Variants in CYP7A1 observed in about 807,000 individuals in gnomAD.
CYP7A1 encodes the protein cytochrome P450 7A1.
In CYP7A1, 28 loss-of-function variants were observed where a neutral mutation model predicts 43.8. The ratio of observed to expected loss-of-function variants is 0.64; its 90% CI spans 0.47 to 0.88. The LOEUF is 0.88. Among genes scored for constraint, CYP7A1 ranks in the 40% least tolerant of loss-of-function variants. CYP7A1 has a pLI of 0.00. For missense variants in CYP7A1, 637 were observed against 611.9 expected (o/e 1.04, Z -0.43); for synonymous variants, 227 against 222.5 (o/e 1.02, Z -0.18).
At chr8:58,496,556 C>G in intron 3 of CYP7A1, 48 bp downstream of exon 3, 1 of 1,487,012 alleles carries the variant, frequency 6.7e-7, no homozygotes, top group Non-Finnish European at 9.3e-7. Context: ...GGTTTAATTT[C>G]TACTTTCTAC....
In CYP7A1 at chr8:58,493,882, C is replaced by A. The variant is rs186127372; in HGVS notation, c.1039+624G>T. Among the ~76,000 whole-genome samples, 566 of 152,126 alleles carry A rather than the reference C, an allele frequency of 3.7e-3. 6 individuals carry two copies. The highest frequency in any genetic ancestry group is 5.8e-3 in the Non-Finnish European group (391 of 67,994). On this transcript the variant is annotated intron_variant, in intron 4 of 5. Transcript: ENST00000301645. ...AGGGGTGGTGGCGTGCACCTGTAAT[C>A]CTAGCTACTTGGGAGGCTGAGGCAG...
chr8:58,497,341 A>G (rs1809461707), intron 2 of CYP7A1, 151 bp from the exon 3 acceptor site: 1 of 718,190 alleles, frequency 1.4e-6, no homozygotes, highest in Admixed American at 2.2e-5. Flanking sequence ...CACTTTACAA[A>G]TAAATGACCA....
rs1018695052 is a variant in CYP7A1 at position 58,494,625 on chromosome 8, G to A, written c.920C>T (p.Ala307Val). 1.9e-6 allele frequency: 3 copies of A among 1,613,686 alleles called. No individual in the cohort carries two copies. Among genetic ancestry groups the A allele is most frequent in the Admixed American group, 3.3e-5 (2 of 59,994 alleles). Reference protein sequence around the residue: ...SLFQMIRNPEAMKAATEEVKR... With the variant: ...SLFQMIRNPEVMKAATEEVKR... ...CACTTCTTCAGTAGCTGCTTTCATT[G>A]CTTCTGGGTTCCTATTAAAAGGTAA... Residue 307 changes from alanine to valine, a missense_variant, in exon 4 of 6, where the codon GCA becomes GTA. Ala to Val is a moderately conservative substitution (Grantham distance 64). Coordinates refer to ENST00000301645, the MANE Select transcript of CYP7A1 (RefSeq NM_000780.4).
At chr8:58,499,894 TA>T (rs1809504514) in intron 1 of CYP7A1, 124 bp downstream of exon 1, 4 of 694,818 alleles carry the variant, frequency 5.8e-6, no homozygotes, top group Non-Finnish European at 1.0e-5. Flanking sequence ...ATTTTTCATT[TA>T]AAAAATAAGG....
intron 1 of CYP7A1, among the ~76,000 whole-genome samples, chr8:58,499,201 T>G (rs1382264264): frequency 6.6e-6 from 1 of 152,206 alleles, no homozygotes; most frequent in African/African-American, 2.4e-5. Flanking sequence ...AGTTTGAAGA[T>G]AAGTAGTTTA....
chr8:58,496,647 T>C lies in CYP7A1; in HGVS notation c.865A>G (p.Asn289Asp). ...CTCCAGAAAGTCGCTGGAATGGTGTTTGCTTGCGATGCCCAGAGGACCACG... is the reference window on the plus strand; with the variant it reads ...CTCCAGAAAGTCGCTGGAATGGTGTCTGCTTGCGATGCCCAGAGGACCACG... ...HLVVLWASQANTIPATFWSLF... is the reference protein window; with the variant it reads ...HLVVLWASQADTIPATFWSLF... The change falls in exon 3 of 6, where the codon AAC becomes GAC. Residue 289 changes from asparagine (N) to aspartate (D), a missense_variant. Transcript: ENST00000301645. 6.2e-7 allele frequency: 1 copy of C among 1,614,230 alleles called. No individual in the cohort carries two copies. Among genetic ancestry groups the C allele is most frequent in the South Asian group, 1.1e-5 (1 of 91,082 alleles).
At position 58,491,150 on chromosome 8, in the gene CYP7A1, A is replaced by G; in HGVS notation, c.*325T>C. 1 of 309,754 alleles carries G rather than the reference A, an allele frequency of 3.2e-6. No homozygotes were observed. Among genetic ancestry groups the G allele is most frequent in the Non-Finnish European group, 6.1e-6 (1 of 163,968 alleles). The allele number at this position is 309,754 out of a possible 1,614,324, so 19.2% of individuals were successfully genotyped here. A position where few individuals can be genotyped will look rare whatever the true frequency, so the allele number is the denominator to read the frequency against. ...ACACCTGGCTGTAATGTGTATCTTC[A>G]TTTTGAAAAAAAATAAAATAAAGGT... On this transcript the variant is annotated 3_prime_UTR_variant, in exon 6 of 6. Transcript: ENST00000301645.
chr8:58,496,475 T>C (rs1809443569), intron 3 of CYP7A1, 129 bp downstream of exon 3: 4 of 686,484 alleles, frequency 5.8e-6, no homozygotes, highest in Non-Finnish European at 9.9e-6. Context: ...AACACTAACA[T>C]GCATTAGTGC....
chr8:58,491,632 T>C lies in CYP7A1; in HGVS notation c.1358A>G (p.Glu453Gly), dbSNP rs769540638. Residue 453 changes from glutamate (E) to glycine (G), a missense_variant, in exon 6 of 6, where the codon GAA becomes GGA. Glu to Gly is a moderately conservative substitution (Grantham distance 98). Transcript: ENST00000301645. ...ICPGRLFAIH[E>G]IKQFLILMLS... ...CATCAGAATCAAAAATTGCTTGATTTCGTGGATAGCGAACAATCTTCCAGG... is the reference window on the plus strand; with the variant it reads ...CATCAGAATCAAAAATTGCTTGATTCCGTGGATAGCGAACAATCTTCCAGG... 6.2e-7 allele frequency: 1 copy of C among 1,614,102 alleles called. No individual in the cohort carries two copies. Among genetic ancestry groups the C allele is most frequent in the Non-Finnish European group, 8.5e-7 (1 of 1,180,048 alleles).
Position 58,494,567 on chromosome 8 carries a change from G to A in CYP7A1, c.978C>T (p.Val326=). 1 of 1,614,052 alleles carries A rather than the reference G, an allele frequency of 6.2e-7. No individual in the cohort carries two copies. The highest frequency in any genetic ancestry group is 8.5e-7 in the Non-Finnish European group (1 of 1,179,954). ...AACAAATAGGATTGCCTTCCAAGCT[G>A]ACTTTTTGACCAGCATTCTCTAATG... ...KRTLENAGQK[V]SLEGNPICLS... The change falls in exon 4 of 6, where the codon GTC becomes GTT. Residue 326 remains valine, a synonymous_variant. Transcript: ENST00000301645.
chr8:58,495,919 T>A (rs1320111265), intron 3 of CYP7A1, among the ~76,000 whole-genome samples: 2 of 152,234 alleles, frequency 1.3e-5, no homozygotes, highest in Non-Finnish European at 2.9e-5. Flanking sequence ...CTAATTTAAT[T>A]GGAATAATTC....
Position 58,498,482 on chromosome 8 carries a change from AG to A in CYP7A1, c.81-14del. 1 of 1,613,948 alleles carries A rather than the reference AG, an allele frequency of 6.2e-7. No individual in the cohort carries two copies. Among genetic ancestry groups the A allele is most frequent in the Non-Finnish European group, 8.5e-7 (1 of 1,179,862 alleles). ...TTCACCCGTTTGCCTGTCAGACACA[AG>A]TGTATGATAGACATGGATGATTACA... On this transcript the variant is annotated splice_polypyrimidine_tract_variant and intron_variant, in intron 1 of 5. Transcript: ENST00000301645.
intron 3 of CYP7A1, among the ~76,000 whole-genome samples, chr8:58,495,515 A>T (rs1203291908): frequency 2.0e-5 from 3 of 152,176 alleles, no homozygotes; most frequent in Non-Finnish European, 4.4e-5. Context: ...GGCGTGAGCC[A>T]TTGCGCCCGG....
intron 3 of CYP7A1, 152 bp downstream of exon 3, chr8:58,496,452 C>T (rs140257799): frequency 4.7e-6 from 3 of 638,120 alleles, no homozygotes; most frequent in Admixed American, 5.7e-5. Context: ...ACTGAATGAA[C>T]TCATATATGT....
intron 3 of CYP7A1, among the ~76,000 whole-genome samples, chr8:58,495,527 C>T (rs1266242342): frequency 6.6e-6 from 1 of 152,158 alleles, no homozygotes; most frequent in Non-Finnish European, 1.5e-5. Context: ...TGCGCCCGGC[C>T]TGGTCAGGGC....
At chr8:58,498,552 TG>T in intron 1 of CYP7A1, 83 bp from the exon 2 acceptor site, 1 of 1,496,632 alleles carries the variant, frequency 6.7e-7, no homozygotes, top group Admixed American at 1.7e-5. Flanking sequence ...TTTTTCCCAC[TG>T]ACTTCAAACT....
Position 58,492,351 on chromosome 8 carries a change from A to C in CYP7A1, c.1215+2T>G. On this transcript the variant is annotated splice_donor_variant, in intron 5 of 5. Coordinates refer to ENST00000301645, the MANE Select transcript of CYP7A1 (RefSeq NM_000780.4). LOFTEE classifies it high-confidence loss of function. ...ATTGAATTTCAATGGGCAGGCACTTACCAAAGGGTCTGGGTAGATTTCTGG... is the reference window on the plus strand; with the variant it reads ...ATTGAATTTCAATGGGCAGGCACTTCCCAAAGGGTCTGGGTAGATTTCTGG... The C allele has an allele frequency of 6.2e-7, 1 of 1,612,530 alleles. No individual in the cohort carries two copies. Among genetic ancestry groups the C allele is most frequent in the Non-Finnish European group, 8.5e-7 (1 of 1,178,564 alleles).
At chr8:58,495,455 C>G (rs910789332) in intron 3 of CYP7A1, among the ~76,000 whole-genome samples, 2 of 152,088 alleles carry the variant, frequency 1.3e-5, no homozygotes, top group African/African-American at 2.4e-5. Context: ...GTCTCGATCT[C>G]CTGACCTTGT....
In CYP7A1 at chr8:58,491,394, ATT is replaced by A; in HGVS notation, c.*79_*80del. On this transcript the variant is annotated 3_prime_UTR_variant, in exon 6 of 6. Transcript: ENST00000301645. The stretch of plus-strand genomic sequence containing the variant: ...AATCATTTCTACCACCACTAAATGC[ATT>A]TGTCCAAAGGGACTGTGTGGTGAGG... 10 of 1,287,984 alleles carry A rather than the reference ATT, an allele frequency of 7.8e-6. No homozygotes were observed. The highest frequency in any genetic ancestry group is 1.1e-5 in the Non-Finnish European group (10 of 901,120). 79.8% of individuals were successfully genotyped at this position (1,287,984 alleles called of 1,614,324 possible).
Sources: allele counts gnomAD v4.1 joint callset (sites outside exome capture counted in the v4.1 genomes callset), GRCh38; gene constraint gnomAD v4.1.1; transcripts MANE v1.5; gene names NCBI Gene and HGNC (gene_info 2026-07-23, HGNC 2026-07-21).